TFB2M: variants seen among roughly 807,000 people sequenced by gnomAD.
TFB2M encodes the protein dimethyladenosine transferase 2, mitochondrial.
TFB2M carries 44 observed loss-of-function variants against 41.3 expected under a neutral mutation model. The observed-to-expected ratio is 1.07, with a 90% CI of 0.84 to 1.37. The LOEUF is 1.37. Ranked by LOEUF, TFB2M falls within the 40% of genes most tolerant of loss-of-function variation. The pLI is 0.00. For synonymous variants in TFB2M, 188 were observed against 176.8 expected, an observed-to-expected ratio of 1.06 and a Z score of -0.50; for missense variants, 496 against 490.2, an observed-to-expected ratio of 1.01 and a Z score of -0.11.
intron 5 of TFB2M, among the ~76,000 whole-genome samples, chr1:246,550,133 T>C (rs1659134372): frequency 6.6e-6 from 1 of 152,162 alleles, no homozygotes; most frequent in Non-Finnish European, 1.5e-5. Flanking sequence ...ACGAAAACAT[T>C]CTGCAAGCTA....
In TFB2M at chr1:246,541,073, A is replaced by G; in HGVS notation, c.1149T>C (p.Cys383=). Residue 383 remains cysteine (C), a synonymous_variant, in exon 8 of 8, where the codon TGT becomes TGC. Transcript: ENST00000366514. ...LFETIERSKD[C]AYKWLYDETL... ...TTTCATCATACAGCCATTTATAAGC[A>G]CAATCTTTGGAACGCTCTATAGTTT... The G allele has an allele frequency of 6.2e-7, 1 of 1,613,608 alleles. No individual in the cohort carries two copies. Among genetic ancestry groups the G allele is most frequent in the Non-Finnish European group, 8.5e-7 (1 of 1,179,762 alleles).
intron 1 of TFB2M, among the ~76,000 whole-genome samples, chr1:246,565,427 T>C (rs1039695696): frequency 1.3e-5 from 2 of 152,188 alleles, no homozygotes; most frequent in African/African-American, 4.8e-5. Context: ...CAAAGACCCG[T>C]ATCTGGACGG....
At chr1:246,561,238 T>C (rs1404817361) in intron 2 of TFB2M, among the ~76,000 whole-genome samples, 1 of 152,216 alleles carries the variant, frequency 6.6e-6, no homozygotes, top group Non-Finnish European at 1.5e-5. Context: ...TACTAAGGGT[T>C]GAGTACAAGT....
At chr1:246,556,230 G>C (rs1249142314) in intron 4 of TFB2M, among the ~76,000 whole-genome samples, 1 of 152,210 alleles carries the variant, frequency 6.6e-6, no homozygotes, top group African/African-American at 2.4e-5. Context: ...ATGAGGTAAA[G>C]AGAATAGTCT....
intron 6 of TFB2M, among the ~76,000 whole-genome samples, chr1:246,544,943 C>T (rs573318953): frequency 6.8e-4 from 102 of 150,134 alleles, no homozygotes; most frequent in African/African-American, 1.3e-3. Context: ...GTAGCTGGGA[C>T]TACAGGCGCC....
rs1049509550 is a variant in TFB2M, at chr1:246,540,674, A to G, written c.*357T>C. 1 of 174,544 alleles carries G rather than the reference A, an allele frequency of 5.7e-6. No individual in the cohort carries two copies. The highest frequency in any genetic ancestry group is 2.4e-5 in the African/African-American group (1 of 42,156). 10.8% of individuals were successfully genotyped at this position (174,544 alleles called of 1,614,324 possible). A position where few individuals can be genotyped will look rare whatever the true frequency, so the allele number is the denominator to read the frequency against. ...CAACAAACTGAAAGGCAAACCAGTA[A>G]ATCAGTTTTGCTTACTTTCTAAGCT... On this transcript the variant is annotated 3_prime_UTR_variant, in exon 8 of 8. Transcript: ENST00000366514.
At chr1:246,549,189 A>G (rs1659100273) in intron 5 of TFB2M, among the ~76,000 whole-genome samples, 1 of 152,010 alleles carries the variant, frequency 6.6e-6, no homozygotes, top group South Asian at 2.1e-4. Context: ...GACCCTATCC[A>G]AAAACAACAA....
At chr1:246,559,084 A>G (rs1236667985) in intron 2 of TFB2M, among the ~76,000 whole-genome samples, 1 of 152,188 alleles carries the variant, frequency 6.6e-6, no homozygotes, top group African/African-American at 2.4e-5. Context: ...TTCAACCTAT[A>G]TTATCCTATT....
chr1:246,541,693 T>C (rs911148130), intron 7 of TFB2M, among the ~76,000 whole-genome samples: 1 of 152,226 alleles, frequency 6.6e-6, no homozygotes, highest in Non-Finnish European at 1.5e-5. Flanking sequence ...GTTTAATCAC[T>C]GCCGTTTGAA....
At chr1:246,542,985 ATT>A (rs11380318) in intron 7 of TFB2M, among the ~76,000 whole-genome samples, 1 of 84,938 alleles carries the variant, frequency 1.2e-5, no homozygotes, top group African/African-American at 4.9e-5. Context: ...CTGCCTCCCA[ATT>A]TTTTTTTTTT....
intron 7 of TFB2M, among the ~76,000 whole-genome samples, chr1:246,542,970 G>A (rs891912069): frequency 3.0e-5 from 4 of 131,956 alleles, no homozygotes; most frequent in East Asian, 2.2e-4. Flanking sequence ...TCTTGTTGGC[G>A]CTCTCTGCCT....
At position 246,565,846 on chromosome 1, in the gene TFB2M, A is replaced by C. The variant is rs752149951; in HGVS notation, c.293T>G (p.Leu98Arg). The change falls in exon 1 of 8, where the codon CTA (leucine) becomes CGA (arginine). Residue 98 changes from leucine (L) to arginine (R), a missense_variant. Physicochemically the swap from Leu to Arg is moderately radical, Grantham distance 102. Transcript: ENST00000366514. The part of the protein sequence containing the change: ...YLGKPSRPPH[L>R]LLECNPGPGI... ...CTCACCTGGATTGCACTCCAGCAGT[A>C]GGTGTGGAGGTCTACTTGGTTTTCC... 1 of 1,602,330 alleles carries C rather than the reference A, an allele frequency of 6.2e-7. No individual in the cohort carries two copies. The highest frequency in any genetic ancestry group is 8.5e-7 in the Non-Finnish European group (1 of 1,169,864).
intron 4 of TFB2M, among the ~76,000 whole-genome samples, chr1:246,554,731 C>T (rs561315160): frequency 9.9e-5 from 15 of 152,220 alleles, no homozygotes; most frequent in African/African-American, 3.4e-4. Context: ...GAAACCATCC[C>T]CGCCGCCATC....
intron 2 of TFB2M, among the ~76,000 whole-genome samples, chr1:246,560,982 G>A (rs1297959492): frequency 6.6e-6 from 1 of 152,040 alleles, no homozygotes; most frequent in African/African-American, 2.4e-5. Context: ...TCGTGGTGGC[G>A]GTCACCTGTA....
intron 4 of TFB2M, among the ~76,000 whole-genome samples, chr1:246,552,599 T>C (rs996203896): frequency 2.6e-5 from 4 of 151,994 alleles, no homozygotes; most frequent in Non-Finnish European, 5.9e-5. Context: ...ACAGGGAGGC[T>C]GAGGCAGGAG....
chr1:246,547,323 C>T (rs6664742), intron 6 of TFB2M, among the ~76,000 whole-genome samples: 9,618 of 152,208 alleles, frequency 0.063, 1,032 homozygotes, highest in African/African-American at 0.22. Context: ...TTAAGCTTTT[C>T]AGCTTCTTGC....
At chr1:246,546,491 T>C (rs1018118762) in intron 6 of TFB2M, among the ~76,000 whole-genome samples, 1 of 151,748 alleles carries the variant, frequency 6.6e-6, no homozygotes, top group Non-Finnish European at 1.5e-5. Flanking sequence ...GGAGCATGCC[T>C]GTAATCCCAG....
chr1:246,544,746 T>C, intron 6 of TFB2M, 65 bp from the exon 7 acceptor site: 1 of 1,410,968 alleles, frequency 7.1e-7, no homozygotes, highest in Non-Finnish European at 9.6e-7. Flanking sequence ...CATTGCTCAC[T>C]TCTTCCTTCA....
intron 4 of TFB2M, among the ~76,000 whole-genome samples, chr1:246,553,987 G>C (rs1350557330): frequency 6.6e-6 from 1 of 152,122 alleles, no homozygotes; most frequent in Non-Finnish European, 1.5e-5. Flanking sequence ...CTTGGCCTAA[G>C]GACAAATATT....
Sources: allele counts gnomAD v4.1 joint callset (sites outside exome capture counted in the v4.1 genomes callset), GRCh38; gene constraint gnomAD v4.1.1; transcripts MANE v1.5; gene names NCBI Gene and HGNC (gene_info 2026-07-23, HGNC 2026-07-21).